The following SLC2A9 variants were observed in gnomAD, a reference collection of about 807,000 sequenced individuals.
SLC2A9 encodes solute carrier family 2, facilitated glucose transporter member 9.
Under a neutral mutation model 50.6 loss-of-function variants are expected in SLC2A9, and 39 were observed. The ratio of observed to expected loss-of-function variants is 0.77; its 90% CI spans 0.60 to 1.01. The LOEUF (loss-of-function observed/expected upper bound fraction) is 1.01. SLC2A9 is among the 50% of genes least tolerant of loss of function. The pLI is 0.00. For synonymous variants in SLC2A9, 324 were observed against 276.9 expected (o/e 1.17, Z -1.69); for missense variants, 686 against 677.6 (o/e 1.01, Z -0.14).
At chr4:9,918,191 A>G (rs1014280935) in intron 7 of SLC2A9, among the ~76,000 whole-genome samples, 5 of 152,184 alleles carry the variant, frequency 3.3e-5, no homozygotes, top group Admixed American at 6.5e-5. Flanking sequence ...ATGTCCCCCA[A>G]ATAATGTCTG....
chr4:10,019,793 G>A (rs1763277235), intron 1 of SLC2A9, among the ~76,000 whole-genome samples: 1 of 152,264 alleles, frequency 6.6e-6, no homozygotes. Flanking sequence ...GAGATGCAAG[G>A]TTTGGCACAG....
At chr4:9,782,859 C>G (rs199827411) in intron 3 of SLC2A9, 1 of 1,612,028 alleles carries the variant, frequency 6.2e-7, no homozygotes, top group Admixed American at 1.7e-5. Context: ...AGCAGCGCAG[C>G]CTGCGCGCCC....
At chr4:9,889,033 CT>C (rs1343132374) in intron 9 of SLC2A9, among the ~76,000 whole-genome samples, 11 of 152,238 alleles carry the variant, frequency 7.2e-5, no homozygotes, top group Admixed American at 3.9e-4. Context: ...AACTCACTCA[CT>C]GTCTATTTGG....
intron 5 of SLC2A9, among the ~76,000 whole-genome samples, chr4:9,966,303 T>C (rs1753044004): frequency 6.6e-6 from 1 of 152,248 alleles, no homozygotes; most frequent in Non-Finnish European, 1.5e-5. Context: ...CAGATTTGAA[T>C]AATGATTAAT....
intron 10 of SLC2A9, among the ~76,000 whole-genome samples, chr4:9,877,544 C>T (rs1018702060): frequency 1.3e-5 from 2 of 152,232 alleles, no homozygotes; most frequent in Admixed American, 6.5e-5. Flanking sequence ...ATTTGACACA[C>T]ATGGGTTCCT....
chr4:10,039,341 C>A (rs10516196), intron 1 of SLC2A9, among the ~76,000 whole-genome samples: 1 of 152,114 alleles, frequency 6.6e-6, no homozygotes, highest in East Asian at 1.9e-4. Flanking sequence ...AATGAATGTC[C>A]ATCTGTGCTC....
chr4:9,975,152 C>A (rs1560417932), intron 5 of SLC2A9, among the ~76,000 whole-genome samples: 1 of 152,078 alleles, frequency 6.6e-6, no homozygotes, highest in Non-Finnish European at 1.5e-5. Flanking sequence ...TATAAGAATC[C>A]TACGAGAAAA....
intron 3 of SLC2A9, among the ~76,000 whole-genome samples, chr4:9,815,021 C>T (rs1193428290): frequency 6.6e-6 from 1 of 152,074 alleles, no homozygotes; most frequent in Non-Finnish European, 1.5e-5. Context: ...GATAGGAACA[C>T]TAAACTTGAC....
chr4:9,985,061 A>G (rs972253368), intron 4 of SLC2A9, among the ~76,000 whole-genome samples: 3 of 152,122 alleles, frequency 2.0e-5, no homozygotes, highest in African/African-American at 7.2e-5. Context: ...GTCTCTGCTC[A>G]GGTTTCCTTC....
chr4:9,951,357 T>C (rs1347194810), intron 5 of SLC2A9, among the ~76,000 whole-genome samples: 1 of 152,074 alleles, frequency 6.6e-6, no homozygotes, highest in Non-Finnish European at 1.5e-5. Flanking sequence ...TGGGGTGAGA[T>C]AAAGAGAAGC....
intron 10 of SLC2A9, among the ~76,000 whole-genome samples, chr4:9,873,275 C>T (rs1257857583): frequency 1.3e-5 from 2 of 152,218 alleles, no homozygotes; most frequent in African/African-American, 4.8e-5. Context: ...AGGAGGCCCA[C>T]TTTCTAGTAG....
chr4:9,930,504 A>G (rs1745709896), intron 6 of SLC2A9, among the ~76,000 whole-genome samples: 1 of 152,212 alleles, frequency 6.6e-6, no homozygotes. Flanking sequence ...CTGTCCTCAC[A>G]GTCCTGTCAG....
downstream of SLC2A9, among the ~76,000 whole-genome samples, chr4:9,778,270 C>T (rs1717845302): frequency 6.6e-6 from 1 of 152,044 alleles, no homozygotes; most frequent in Admixed American, 6.6e-5. Context: ...CAGACACATC[C>T]CACCACGCCT....
intron 5 of SLC2A9, among the ~76,000 whole-genome samples, chr4:9,961,141 T>C (rs11942223): frequency 0.28 from 41,906 of 152,058 alleles, 6,485 homozygotes; most frequent in African/African-American, 0.4. Flanking sequence ...TTCAAACCTT[T>C]AACTTCCTAA....
intron 3 of SLC2A9, among the ~76,000 whole-genome samples, chr4:9,815,472 C>A (rs529929456): frequency 1.3e-5 from 2 of 152,342 alleles, no homozygotes; most frequent in East Asian, 3.9e-4. Context: ...CAGAGGTAGG[C>A]AGATCACAGC....
intron 11 of SLC2A9, among the ~76,000 whole-genome samples, chr4:9,828,340 C>A (rs940316015): frequency 3.9e-5 from 6 of 152,156 alleles, no homozygotes; most frequent in Non-Finnish European, 4.4e-5. Flanking sequence ...AACTGATTTC[C>A]CTGCTTTTCA....
At chr4:9,984,860 A>G (rs901420580) in intron 4 of SLC2A9, among the ~76,000 whole-genome samples, 5 of 152,122 alleles carry the variant, frequency 3.3e-5, no homozygotes, top group Admixed American at 2.6e-4. Context: ...CCCTCCCTGC[A>G]TACTCGGCAC....
At chr4:9,957,136 G>A (rs1159243105) in intron 5 of SLC2A9, among the ~76,000 whole-genome samples, 3 of 151,856 alleles carry the variant, frequency 2.0e-5, no homozygotes, top group Admixed American at 2.0e-4. Context: ...CAGAAGATGG[G>A]GTTCATTCTC....
chr4:9,855,519 T>G (rs761534124), intron 10 of SLC2A9, among the ~76,000 whole-genome samples: 1 of 147,276 alleles, frequency 6.8e-6, no homozygotes, highest in Non-Finnish European at 1.5e-5. Flanking sequence ...AAAATCAGTA[T>G]TGTTAAAATG....
Sources: gnomAD v4.1 joint callset for allele counts (sites outside exome capture counted in the v4.1 genomes callset) on GRCh38, gnomAD v4.1.1 for gene constraint, MANE v1.5 for transcripts, NCBI Gene and HGNC (gene_info 2026-07-23, HGNC 2026-07-21) for gene names.